The following FNBP1 variants were observed in gnomAD, a reference collection of about 807,000 sequenced individuals.
FNBP1 encodes the protein formin binding protein 1.
In FNBP1, 26 loss-of-function variants were observed where a neutral mutation model predicts 90.6. That is an observed-to-expected ratio of 0.29 (90% CI 0.21 to 0.40). The LOEUF is 0.40. FNBP1 is among the 10% of genes least tolerant of loss of function. FNBP1 has a pLI of 1.00. For missense variants in FNBP1, 635 were observed against 768.0 expected, an observed-to-expected ratio of 0.83 and a Z score of 2.05; for synonymous variants, 260 against 265.2, an observed-to-expected ratio of 0.98 and a Z score of 0.19.
intron 1 of FNBP1, among the ~76,000 whole-genome samples, chr9:130,034,189 T>A (rs2059089296): frequency 6.6e-6 from 1 of 151,828 alleles, no homozygotes; most frequent in African/African-American, 2.4e-5. Context: ...GGCAAACGCC[T>A]GTACTCCCAG....
intron 1 of FNBP1, among the ~76,000 whole-genome samples, chr9:130,025,983 G>A (rs1268743367): frequency 6.6e-6 from 1 of 152,150 alleles, no homozygotes; most frequent in Non-Finnish European, 1.5e-5. Context: ...TGTGGAGGTG[G>A]ATAATGATAG....
intron 4 of FNBP1, among the ~76,000 whole-genome samples, chr9:129,965,976 AT>A: frequency 6.6e-6 from 1 of 152,102 alleles, no homozygotes; most frequent in Non-Finnish European, 1.5e-5. Flanking sequence ...CATCAATAAG[AT>A]TTTTAGATAG....
chr9:130,028,809 C>G (rs2058568046), intron 1 of FNBP1, among the ~76,000 whole-genome samples: 1 of 152,156 alleles, frequency 6.6e-6, no homozygotes, highest in Non-Finnish European at 1.5e-5. Flanking sequence ...AGCATTTTAC[C>G]AACTTAATTC....
At position 129,908,953 on chromosome 9, in the gene FNBP1, C is replaced by A. The variant is rs199744723; in HGVS notation, c.1232G>T (p.Arg411Met). The change falls in exon 12 of 17, where the codon AGG becomes ATG. Residue 411 changes from arginine to methionine, a missense_variant. Arg to Met is a moderately conservative substitution (Grantham distance 91). Coordinates refer to ENST00000446176, the MANE Select transcript of FNBP1 (RefSeq NM_015033.3). The stretch of plus-strand genomic sequence containing the variant: ...ATCGACTTTCTGCTGCAGCTTTTTC[C>A]TTCTTTGTTCAGGTGGGAGGTTGCT... ...DFSNLPPEQR[R>M]KKLQQKVDEL... 1.2e-6 allele frequency: 2 copies of A among 1,613,750 alleles called. No homozygotes were observed. Among genetic ancestry groups the A allele is most frequent in the Non-Finnish European group, 8.5e-7 (1 of 1,179,804 alleles).
chr9:129,994,696 G>A, intron 2 of FNBP1, 147 bp downstream of exon 2: 1 of 392,194 alleles, frequency 2.5e-6, no homozygotes, highest in Non-Finnish European at 4.5e-6. Flanking sequence ...TTAATTTTCT[G>A]TATGAAAAAC....
At chr9:129,964,371 A>G (rs1039706212) in intron 4 of FNBP1, among the ~76,000 whole-genome samples, 5 of 152,196 alleles carry the variant, frequency 3.3e-5, no homozygotes, top group African/African-American at 1.2e-4. Context: ...GACCCAGAGA[A>G]ATGCTTCTTA....
At chr9:129,972,878 A>G (rs543045646) in intron 4 of FNBP1, among the ~76,000 whole-genome samples, 91 of 152,314 alleles carry the variant, frequency 6.0e-4, no homozygotes, top group African/African-American at 2.1e-3. Context: ...TGCATTAAGT[A>G]ACAGAATGAT....
intron 1 of FNBP1, among the ~76,000 whole-genome samples, chr9:130,014,830 T>C (rs1564578457): frequency 6.6e-6 from 1 of 151,994 alleles, no homozygotes. Flanking sequence ...AGTATTGAAC[T>C]ATTACTTTTT....
At chr9:129,916,023 A>C (rs752423057) in intron 10 of FNBP1, 43 bp from the exon 11 acceptor site, 4 of 1,449,548 alleles carry the variant, frequency 2.8e-6, no homozygotes, top group Non-Finnish European at 2.9e-6. Flanking sequence ...ATAGAGAGAA[A>C]GAGAGAGAGA....
At chr9:130,028,124 T>G (rs2058518423) in intron 1 of FNBP1, among the ~76,000 whole-genome samples, 1 of 152,166 alleles carries the variant, frequency 6.6e-6, no homozygotes, top group Non-Finnish European at 1.5e-5. Flanking sequence ...TCTGCCTAGA[T>G]TCAAATGAAA....
intron 10 of FNBP1, among the ~76,000 whole-genome samples, chr9:129,916,758 G>C (rs1020761717): frequency 2.0e-5 from 3 of 152,070 alleles, no homozygotes; most frequent in African/African-American, 7.2e-5. Context: ...TTAATCTTAA[G>C]GAGCTCTAAT....
chr9:129,968,434 A>T (rs1429122855), intron 4 of FNBP1, among the ~76,000 whole-genome samples: 2 of 151,432 alleles, frequency 1.3e-5, no homozygotes, highest in Non-Finnish European at 2.9e-5. Context: ...ATGGACTTGT[A>T]AGTAGCTAGA....
At chr9:129,909,648 G>C (rs763504470) in intron 11 of FNBP1, among the ~76,000 whole-genome samples, 91 of 151,918 alleles carry the variant, frequency 6.0e-4, no homozygotes, top group Non-Finnish European at 1.1e-3. Context: ...CCTTGAGACA[G>C]AGTCTCACTC....
At chr9:129,944,894 A>C (rs1202788599) in intron 6 of FNBP1, among the ~76,000 whole-genome samples, 3 of 152,234 alleles carry the variant, frequency 2.0e-5, no homozygotes, top group African/African-American at 7.2e-5. Context: ...ATTGAAAATT[A>C]AAATACCTTA....
intron 1 of FNBP1, among the ~76,000 whole-genome samples, chr9:129,998,351 C>A (rs1413041900): frequency 6.6e-6 from 1 of 151,662 alleles, no homozygotes; most frequent in Non-Finnish European, 1.5e-5. Context: ...CCTGTCTCTA[C>A]TAAAAATACA....
At chr9:129,938,055 T>C (rs1042773401) in intron 6 of FNBP1, among the ~76,000 whole-genome samples, 3 of 151,898 alleles carry the variant, frequency 2.0e-5, no homozygotes, top group African/African-American at 7.3e-5. Context: ...TCCCTGCTCC[T>C]AGGAGGCTGA....
intron 7 of FNBP1, 128 bp from the exon 8 acceptor site, chr9:129,927,469 TAA>T: frequency 1.3e-6 from 1 of 788,098 alleles, no homozygotes; most frequent in Non-Finnish European, 2.1e-6. Context: ...AGAGCGGCTC[TAA>T]GTACACGGAG....
chr9:129,911,100 G>A (rs1564301895), intron 11 of FNBP1, among the ~76,000 whole-genome samples: 1 of 152,146 alleles, frequency 6.6e-6, no homozygotes, highest in Non-Finnish European at 1.5e-5. Context: ...GACCTCAGGC[G>A]ATCTGCCCAC....
chr9:129,908,202 CTCTTTT>C (rs998564151), intron 12 of FNBP1, among the ~76,000 whole-genome samples: 5 of 88,632 alleles, frequency 5.6e-5, no homozygotes, highest in Admixed American at 1.4e-4. Flanking sequence ...TGGTCTCTCT[CTCTTTT>C]TTTTTTTTTT....
Sources: gnomAD v4.1 joint callset for allele counts (sites outside exome capture counted in the v4.1 genomes callset) on GRCh38, gnomAD v4.1.1 for gene constraint, MANE v1.5 for transcripts, NCBI Gene and HGNC (gene_info 2026-07-23, HGNC 2026-07-21) for gene names.